The following DNMT3A variants were observed in gnomAD, a reference collection of about 807,000 sequenced individuals.
DNMT3A encodes DNA methyltransferase 3 alpha, also known as DNA (cytosine-5)-methyltransferase 3A.
Under a neutral mutation model 117.6 loss-of-function variants are expected in DNMT3A, and 267 were observed. The ratio of observed to expected loss-of-function variants is 2.27; its 90% CI spans 2.05 to 2.51. The LOEUF is 2.51. DNMT3A is among the 30% of genes most tolerant of loss of function. The probability of loss-of-function intolerance (pLI) is 0.00; values close to 1 mark genes in which losing one functional copy is unlikely to be tolerated. For synonymous variants in DNMT3A, 432 were observed against 474.8 expected, an observed-to-expected ratio of 0.91 and a Z score of 1.17; for missense variants, 1,029 against 1,260.2, an observed-to-expected ratio of 0.82 and a Z score of 2.78.
intron 3 of DNMT3A, among the ~76,000 whole-genome samples, chr2:25,288,700 C>T (rs983244018): frequency 6.6e-6 from 1 of 152,230 alleles, no homozygotes. Context: ...TTTAAGTACA[C>T]TCTCATGGTT....
intron 20 of DNMT3A, 92 bp downstream of exon 20, chr2:25,239,038 A>G: frequency 2.7e-6 from 3 of 1,111,160 alleles, no homozygotes; most frequent in Non-Finnish European, 3.9e-6. Context: ...GAGGCCGGCC[A>G]GAGAGGGCCC....
At chr2:25,268,447 G>C (rs2030565817) in intron 6 of DNMT3A, among the ~76,000 whole-genome samples, 1 of 152,166 alleles carries the variant, frequency 6.6e-6, no homozygotes, top group African/African-American at 2.4e-5. Context: ...ACTGACCCTG[G>C]GTCTCTGTGC....
At position 25,228,114 on chromosome 2, in the gene DNMT3A, C is replaced by T. The variant is rs749736197; in HGVS notation, c.*6165G>A. On this transcript the variant is annotated 3_prime_UTR_variant, in exon 23 of 23. Transcript: ENST00000321117. ...CCAGGCGGGTGGGGCAGGGACCCCTCGGGCCCCCACTCGCCCTTCCCTGAA... is the reference window on the plus strand; with the variant it reads ...CCAGGCGGGTGGGGCAGGGACCCCTTGGGCCCCCACTCGCCCTTCCCTGAA... 1.3e-5 allele frequency: 2 copies of T among 148,656 alleles called. No homozygotes were observed. Among genetic ancestry groups the T allele is most frequent in the African/African-American group, 2.5e-5 (1 of 40,294 alleles). 9.2% of individuals were successfully genotyped at this position (148,656 alleles called of 1,614,324 possible). A position where few individuals can be genotyped will look rare whatever the true frequency, so the allele number is the denominator to read the frequency against.
chr2:25,241,457 A>G (rs1330819580), intron 17 of DNMT3A, 105 bp downstream of exon 17: 2 of 1,437,348 alleles, frequency 1.4e-6, no homozygotes, highest in East Asian at 2.4e-5. Flanking sequence ...CAAAGGGTGA[A>G]GAGAAAGAGG....
chr2:25,265,449 C>T (rs564425971), intron 6 of DNMT3A, among the ~76,000 whole-genome samples: 1 of 152,324 alleles, frequency 6.6e-6, no homozygotes, highest in East Asian at 1.9e-4. Context: ...TTGGGCCACT[C>T]CATCAGGATA....
At chr2:25,333,573 C>T (rs2035094462) in intron 1 of DNMT3A, among the ~76,000 whole-genome samples, 3 of 152,170 alleles carry the variant, frequency 2.0e-5, no homozygotes, top group Admixed American at 6.5e-5. Context: ...TCAGATGATC[C>T]ACCCGCCTCG....
intron 6 of DNMT3A, among the ~76,000 whole-genome samples, chr2:25,259,256 C>T (rs1308942846): frequency 2.0e-5 from 3 of 152,232 alleles, no homozygotes; most frequent in African/African-American, 7.2e-5. Flanking sequence ...TGGGTCTGCC[C>T]AGCTCTACCA....
intron 3 of DNMT3A, among the ~76,000 whole-genome samples, chr2:25,288,111 C>T (rs2032450441): frequency 6.7e-6 from 1 of 149,282 alleles, no homozygotes; most frequent in South Asian, 2.2e-4. Flanking sequence ...GCTGAGATTA[C>T]AGGCATGAGC....
Position 25,305,149 on chromosome 2 carries a change from A to G in DNMT3A, c.73-4906T>C, listed in dbSNP as rs1395567170. On this transcript the variant is annotated intron_variant, in intron 2 of 22. Transcript: ENST00000321117. This position sits in a 1 kb window ranked among gnomAD's most constrained non-coding sequence, Gnocchi z 4.1. ...TACAAATCTACAAACCCGTACAAAT[A>G]CAACTGTGTACGAGGTTCCAGTGCC... Among the ~76,000 whole-genome samples the G allele has an allele frequency of 6.6e-6, 1 of 152,238 alleles. No individual in the cohort carries two copies. The highest frequency in any genetic ancestry group is 1.9e-4 in the East Asian group (1 of 5,206).
At chr2:25,276,444 G>C (rs1319875125) in intron 4 of DNMT3A, among the ~76,000 whole-genome samples, 5 of 152,212 alleles carry the variant, frequency 3.3e-5, no homozygotes, top group Non-Finnish European at 5.9e-5. Context: ...CTTCCCTAAG[G>C]ATTCATTTCC....
At chr2:25,338,654 G>A (rs950979094) in intron 1 of DNMT3A, among the ~76,000 whole-genome samples, 19 of 152,292 alleles carry the variant, frequency 1.2e-4, no homozygotes, top group African/African-American at 4.6e-4. Context: ...GGGAGGCAAG[G>A]CCCCTGTTTC....
chr2:25,295,109 G>A (rs183228929), intron 3 of DNMT3A, among the ~76,000 whole-genome samples: 60 of 152,330 alleles, frequency 3.9e-4, no homozygotes, highest in Admixed American at 2.9e-3. Context: ...AACCACCCAT[G>A]AAGGACAAAG....
chr2:25,247,916 G>C lies in DNMT3A; in HGVS notation c.855+121C>G, dbSNP rs903571295. On this transcript the variant is annotated intron_variant, in intron 7 of 22. Transcript: ENST00000321117. This position sits in a 1 kb window ranked among gnomAD's most constrained non-coding sequence, Gnocchi z 5.6. ...CAAAATCGGGGAGACGAAGAGGCCC[G>C]GGGTCAGGTGGAGAGAGCGAGCGGC... 5.3e-5 allele frequency: 80 copies of C among 1,518,984 alleles called. 2 individuals carry two copies. The highest frequency in any genetic ancestry group is 2.3e-4 in the Middle Eastern group (1 of 4,256). 94.1% of individuals were successfully genotyped at this position (1,518,984 alleles called of 1,614,324 possible).
intron 3 of DNMT3A, among the ~76,000 whole-genome samples, chr2:25,284,146 C>T (rs190642357): frequency 6.6e-6 from 1 of 152,328 alleles, no homozygotes; most frequent in African/African-American, 2.4e-5. Context: ...AGCAACTCTG[C>T]CTCGCTGGCT....
rs565897202 is a variant in DNMT3A at position 25,257,214 on chromosome 2, C to A, written c.640-8962G>T. Among the ~76,000 whole-genome samples, 18 of 152,172 alleles carry A rather than the reference C, an allele frequency of 1.2e-4. No homozygotes were observed. The highest frequency in any genetic ancestry group is 4.1e-4 in the African/African-American group (17 of 41,436). On this transcript the variant is annotated intron_variant, in intron 6 of 22. Coordinates refer to ENST00000321117, the MANE Select transcript of DNMT3A (RefSeq NM_022552.5). This position sits in a 1 kb window ranked among gnomAD's most constrained non-coding sequence, Gnocchi z 4.8. ...AGGACTTGTTGCTAAGGAGACCAGT[C>A]GCAGAGAGAGCAACTAAGCAGGGGG...
intron 1 of DNMT3A, among the ~76,000 whole-genome samples, chr2:25,316,214 G>C (rs1573486255): frequency 6.6e-6 from 1 of 152,348 alleles, no homozygotes; most frequent in East Asian, 1.9e-4. Flanking sequence ...CACCCAGAGG[G>C]CATCTGTGCC....
intron 6 of DNMT3A, among the ~76,000 whole-genome samples, chr2:25,264,402 A>G (rs576059340): frequency 3.3e-4 from 50 of 151,404 alleles, no homozygotes; most frequent in Non-Finnish European, 5.6e-4. Context: ...GGCCTCCCAC[A>G]GTGTTGGGAT....
At position 25,246,613 on chromosome 2, in the gene DNMT3A, CATTTACCTTCTGGTG is replaced by C. The variant is rs1674805974; in HGVS notation, c.1271_1279+6del. On this transcript the variant is annotated splice_donor_variant and splice_donor_5th_base_variant and coding_sequence_variant and intron_variant, in exon 10 of 23. Transcript: ENST00000321117. LOFTEE classifies it high-confidence loss of function. ...GGGGTCCCAGAAAGCTGGGTGCCCT[CATTTACCTTCTGGTG>C]GCTCCAGGCCCTTAGGGCCAGAAGG... 1 of 1,606,788 alleles carries C rather than the reference CATTTACCTTCTGGTG, an allele frequency of 6.2e-7. No homozygotes were observed.
Position 25,247,966 on chromosome 2 carries a change from C to A in DNMT3A, c.855+71G>T. On this transcript the variant is annotated intron_variant, in intron 7 of 22. Coordinates refer to ENST00000321117, the MANE Select transcript of DNMT3A (RefSeq NM_022552.5). The surrounding 1 kb of genome is among the most constrained non-coding windows in gnomAD (Gnocchi z 5.6). ...CCCGTGGGAGATGGAGAGAGGAGAG[C>A]AGGACGGGAGGAGCTGGCAGTGGAA... The A allele has an allele frequency of 6.3e-7, 1 of 1,599,154 alleles. No homozygotes were observed. The highest frequency in any genetic ancestry group is 8.5e-7 in the Non-Finnish European group (1 of 1,172,642).
Sources: allele counts gnomAD v4.1 joint callset (sites outside exome capture counted in the v4.1 genomes callset), GRCh38; gene constraint gnomAD v4.1.1; non-coding constraint Gnocchi (gnomAD v3.1); transcripts MANE v1.5; gene names NCBI Gene and HGNC (gene_info 2026-07-23, HGNC 2026-07-21).